Variants in CRYZL1 observed in about 807,000 individuals in gnomAD.
The protein encoded by CRYZL1 is crystallin zeta like 1, also known as ferry endosomal RAB5 effector complex subunit 4.
In CRYZL1, 34 loss-of-function variants were observed where a neutral mutation model predicts 50.6. That is an observed-to-expected ratio of 0.67 (90% CI 0.51 to 0.89). The LOEUF (loss-of-function observed/expected upper bound fraction) is 0.89, where lower values mean the gene tolerates loss of function less well. Ranked by LOEUF, CRYZL1 falls within the 40% of genes least tolerant of loss-of-function variation. The pLI is 0.00. For synonymous variants in CRYZL1, 125 were observed against 134.3 expected (o/e 0.93, Z 0.48); for missense variants, 354 against 402.3 (o/e 0.88, Z 1.03).
At chr21:33,625,281 C>T (rs2087048268) in intron 2 of CRYZL1, among the ~76,000 whole-genome samples, 1 of 151,354 alleles carries the variant, frequency 6.6e-6, no homozygotes, top group Non-Finnish European at 1.5e-5. Flanking sequence ...TCAGCCTCCA[C>T]AGTAGCTGGG....
rs79574090 is a variant in CRYZL1, at chr21:33,634,195, G to A, written c.-6-2638C>T. Among the ~76,000 whole-genome samples the A allele has an allele frequency of 1.6e-4, 24 of 152,276 alleles. 1 individual carries two copies. In the East Asian group the frequency reaches 4.6e-3, roughly 29 times the overall value. ...TCAATGTTTTTGTTTGGGGGCTGGG[G>A]AGAACCGAAGCATGGATACAACATT... On this transcript the variant is annotated intron_variant, in intron 1 of 12. Coordinates refer to ENST00000381554, the MANE Select transcript of CRYZL1 (RefSeq NM_145858.3).
At chr21:33,620,900 A>ATTTTTTTTTTTTTTT (rs770153924) in intron 4 of CRYZL1, among the ~76,000 whole-genome samples, 1 of 112,834 alleles carries the variant, frequency 8.9e-6, no homozygotes, top group Non-Finnish European at 1.7e-5. Flanking sequence ...GGGGTGTCCA[A>ATTTTTTTTTTTTTTT]TCTTTTTTTT....
intron 1 of CRYZL1, among the ~76,000 whole-genome samples, chr21:33,637,509 C>T (rs73368034): frequency 1.2e-3 from 188 of 151,542 alleles, no homozygotes; most frequent in Middle Eastern, 6.9e-3. Context: ...GCCTGGGGCT[C>T]GGGCTGTGGC....
At chr21:33,607,409 C>T (rs1405649325) in intron 6 of CRYZL1, among the ~76,000 whole-genome samples, 2 of 151,958 alleles carry the variant, frequency 1.3e-5, no homozygotes, top group Non-Finnish European at 2.9e-5. Context: ...GAGGCCAAGG[C>T]GGGAAGATCA....
At chr21:33,605,278 C>A (rs201179772) in intron 6 of CRYZL1, among the ~76,000 whole-genome samples, 3 of 98,756 alleles carry the variant, frequency 3.0e-5, no homozygotes, top group African/African-American at 5.4e-5. Flanking sequence ...TTTTCAATCT[C>A]TTTAACAGTA....
intron 4 of CRYZL1, among the ~76,000 whole-genome samples, chr21:33,620,791 CAG>C (rs554480387): frequency 6.7e-6 from 1 of 148,246 alleles, no homozygotes; most frequent in Non-Finnish European, 1.5e-5. Context: ...GCCTGGGAGA[CAG>C]AGTGAGACTC....
chr21:33,621,122 G>C (rs2145947277), intron 4 of CRYZL1, among the ~76,000 whole-genome samples: 1 of 148,984 alleles, frequency 6.7e-6, no homozygotes, highest in East Asian at 2.1e-4. Flanking sequence ...AGCCAGGATG[G>C]TCTCGATCTC....
Position 33,631,484 on chromosome 21 carries a change from A to T in CRYZL1, c.66+2T>A, listed in dbSNP as rs766083958. Reference sequence around the variant, plus strand: ...CTTTAATGATTAAACATTTTTTCTTACCTTTTCTTGAAATACAAATGTTAT... The same window carrying T: ...CTTTAATGATTAAACATTTTTTCTTTCCTTTTCTTGAAATACAAATGTTAT... On this transcript the variant is annotated splice_donor_variant, in intron 2 of 12. Transcript: ENST00000381554. LOFTEE classifies it high-confidence loss of function. The T allele has an allele frequency of 6.6e-7, 1 of 1,514,280 alleles. No individual in the cohort carries two copies. Among genetic ancestry groups the T allele is most frequent in the Admixed American group, 2.5e-5 (1 of 40,792 alleles). 93.8% of individuals were successfully genotyped at this position (1,514,280 alleles called of 1,614,324 possible).
intron 1 of CRYZL1, among the ~76,000 whole-genome samples, chr21:33,636,498 G>A (rs1377449523): frequency 1.3e-5 from 2 of 152,244 alleles, no homozygotes; most frequent in South Asian, 2.1e-4. Flanking sequence ...TCCACAAACT[G>A]AGGATTATGT....
chr21:33,639,252 G>T (rs1273444914), intron 1 of CRYZL1, among the ~76,000 whole-genome samples: 1 of 152,100 alleles, frequency 6.6e-6, no homozygotes, highest in Non-Finnish European at 1.5e-5. Flanking sequence ...TATCTCTGGG[G>T]GTTGGAGACG....
Position 33,603,520 on chromosome 21 carries a change from C to A in CRYZL1, c.349G>T (p.Val117Phe), listed in dbSNP as rs770289619. 6.2e-7 allele frequency: 1 copy of A among 1,614,094 alleles called. No individual in the cohort carries two copies. The highest frequency in any genetic ancestry group is 8.5e-7 in the Non-Finnish European group (1 of 1,180,044). Residue 117 changes from valine to phenylalanine, a missense_variant, in exon 7 of 13, where the codon GTC becomes TTC. Physicochemically the swap from Val to Phe is conservative, Grantham distance 50. Transcript: ENST00000381554. ...CTTCCTGCTGCTTCCGTCCATGTGA[C>A]CTTTTCTGGTTTATGAACTATCATA... ...EHYLVHKPEK[V>F]TWTEAAGSIR...
At chr21:33,606,695 G>T (rs2086818299) in intron 6 of CRYZL1, among the ~76,000 whole-genome samples, 2 of 151,412 alleles carry the variant, frequency 1.3e-5, no homozygotes, top group African/African-American at 2.4e-5. Context: ...GGGTCCACAG[G>T]TGTTTATTAT....
intron 1 of CRYZL1, among the ~76,000 whole-genome samples, chr21:33,633,946 T>C (rs1206198018): frequency 6.6e-6 from 1 of 152,246 alleles, no homozygotes; most frequent in Non-Finnish European, 1.5e-5. Context: ...TTAGTGGATC[T>C]ACTTGGATCC....
At chr21:33,629,083 TAGTC>T (rs1488546288) in intron 2 of CRYZL1, among the ~76,000 whole-genome samples, 8 of 148,452 alleles carry the variant, frequency 5.4e-5, no homozygotes, top group African/African-American at 1.5e-4. Context: ...AAAAAAAAGT[TAGTC>T]AGACAGACAT....
At position 33,641,538 on chromosome 21, in the gene CRYZL1, G is replaced by A. The variant is rs1270136135; in HGVS notation, c.-7+143C>T. On this transcript the variant is annotated intron_variant, in intron 1 of 12. Transcript: ENST00000381554. ...CCCCTCAGCGGCCTCAGCTAAGCTA[G>A]GCCTGGGCCCGAACAAGTCCCAGGT... 6.7e-6 allele frequency: 3 copies of A among 447,132 alleles called. No homozygotes were observed. The East Asian group carries it at 1.5e-4, about 23-fold the overall frequency. 27.7% of individuals were successfully genotyped at this position (447,132 alleles called of 1,614,324 possible). A position where few individuals can be genotyped will look rare whatever the true frequency, so the allele number is the denominator to read the frequency against.
At chr21:33,613,667 C>T in intron 5 of CRYZL1, 61 bp from the exon 6 acceptor site, 1 of 1,141,034 alleles carries the variant, frequency 8.8e-7, no homozygotes. Flanking sequence ...TAATGAGAGG[C>T]CAGTATTATT....
intron 3 of CRYZL1, among the ~76,000 whole-genome samples, chr21:33,623,939 T>C (rs971114849): frequency 2.6e-5 from 4 of 152,088 alleles, no homozygotes; most frequent in African/African-American, 9.7e-5. Flanking sequence ...CAAAAAGAAA[T>C]GACAAGAGAA....
intron 1 of CRYZL1, among the ~76,000 whole-genome samples, chr21:33,638,986 G>A (rs1246350157): frequency 6.6e-6 from 1 of 152,266 alleles, no homozygotes; most frequent in Non-Finnish European, 1.5e-5. Context: ...AGGCATATTC[G>A]ATTGAATTTA....
At chr21:33,636,035 A>G (rs1437263760) in intron 1 of CRYZL1, among the ~76,000 whole-genome samples, 1 of 152,138 alleles carries the variant, frequency 6.6e-6, no homozygotes, top group Non-Finnish European at 1.5e-5. Flanking sequence ...GACATTTCTA[A>G]GAAAAGTCAT....
Sources: gnomAD v4.1 joint callset for allele counts (sites outside exome capture counted in the v4.1 genomes callset) on GRCh38, gnomAD v4.1.1 for gene constraint, MANE v1.5 for transcripts, NCBI Gene and HGNC (gene_info 2026-07-23, HGNC 2026-07-21) for gene names.